CHN1: variants seen among roughly 807,000 people sequenced by gnomAD.
CHN1 encodes the protein N-chimaerin.
In CHN1, 37 loss-of-function variants were observed where a neutral mutation model predicts 59.5. That is an observed-to-expected ratio of 0.62 (90% confidence interval 0.48 to 0.82). CHN1 has a LOEUF of 0.82. Ranked by LOEUF, CHN1 falls within the 40% of genes least tolerant of loss-of-function variation. The pLI is 0.00. For missense variants in CHN1, 469 were observed against 571.0 expected, an observed-to-expected ratio of 0.82 and a Z score of 1.82; for synonymous variants, 206 against 200.4, an observed-to-expected ratio of 1.03 and a Z score of -0.24.
At chr2:174,935,934 A>T (rs1689483400) in intron 3 of CHN1, among the ~76,000 whole-genome samples, 2 of 152,174 alleles carry the variant, frequency 1.3e-5, no homozygotes, top group Non-Finnish European at 2.9e-5. Context: ...TTCTGTCTCT[A>T]AAAAATATAT....
chr2:174,915,729 C>T (rs754512494), intron 4 of CHN1, among the ~76,000 whole-genome samples: 4 of 152,210 alleles, frequency 2.6e-5, no homozygotes, highest in East Asian at 1.9e-4. Flanking sequence ...CCTGCTAAAA[C>T]CTTATCTTTG....
At chr2:174,868,117 G>A (rs1458611991) in intron 6 of CHN1, among the ~76,000 whole-genome samples, 1 of 152,012 alleles carries the variant, frequency 6.6e-6, no homozygotes, top group Non-Finnish European at 1.5e-5. Context: ...TTTATGAAGA[G>A]CTTGTATTTC....
At chr2:174,847,145 A>G (rs781458396) in intron 6 of CHN1, 188 bp from the exon 7 acceptor site, 45 of 1,546,016 alleles carry the variant, frequency 2.9e-5, no homozygotes, top group Non-Finnish European at 3.8e-5. Flanking sequence ...GGAATTCACA[A>G]GGAAAGAAAA....
chr2:174,818,775 T>C (rs115225089), intron 8 of CHN1, among the ~76,000 whole-genome samples: 2,346 of 152,306 alleles, frequency 0.015, 58 homozygotes, highest in African/African-American at 0.053. Flanking sequence ...TTCTATTACT[T>C]AGACTACCAA....
chr2:174,870,863 G>A (rs1469815268), intron 6 of CHN1, among the ~76,000 whole-genome samples: 1 of 152,066 alleles, frequency 6.6e-6, no homozygotes, highest in Admixed American at 6.5e-5. Flanking sequence ...TATTTGTTTA[G>A]TTGGCCCAGA....
intron 1 of CHN1, among the ~76,000 whole-genome samples, chr2:174,988,660 G>T (rs950673026): frequency 6.6e-6 from 1 of 152,130 alleles, no homozygotes; most frequent in Non-Finnish European, 1.5e-5. Context: ...AAAATAAAAT[G>T]AGCCTATAAA....
At chr2:174,919,568 T>C (rs1182962413) in intron 3 of CHN1, among the ~76,000 whole-genome samples, 2 of 152,222 alleles carry the variant, frequency 1.3e-5, no homozygotes, top group Non-Finnish European at 2.9e-5. Flanking sequence ...TTATTCTACT[T>C]TGTCTTTATG....
rs186030265 is a variant in CHN1 at position 174,803,760 on chromosome 2, C to T, written c.1103-1948G>A. Among the ~76,000 whole-genome samples the T allele has an allele frequency of 1.2e-4, 19 of 152,266 alleles. No individual in the cohort carries two copies. In the East Asian group the frequency reaches 3.1e-3, roughly 25 times the overall value. On this transcript the variant is annotated intron_variant, in intron 11 of 12. Transcript: ENST00000409900. ...ATGGAGACAAGGTCTCACTATGTTGCCCAGGCTGGTCTCAAACTCCTGGGC... is the reference window on the plus strand; with the variant it reads ...ATGGAGACAAGGTCTCACTATGTTGTCCAGGCTGGTCTCAAACTCCTGGGC...
intron 2 of CHN1, among the ~76,000 whole-genome samples, chr2:174,950,776 AG>A (rs1690002499): frequency 7.0e-6 from 1 of 143,574 alleles, no homozygotes; most frequent in East Asian, 2.0e-4. Flanking sequence ...AATGCAGAGA[AG>A]TTTTTTTTTT....
intron 11 of CHN1, among the ~76,000 whole-genome samples, chr2:174,805,030 T>C (rs1455934633): frequency 6.6e-6 from 1 of 152,260 alleles, no homozygotes; most frequent in African/African-American, 2.4e-5. Flanking sequence ...TCTTTAGCTA[T>C]AAGAAGCATA....
At chr2:174,801,056 A>C (rs1219495361) in intron 12 of CHN1, among the ~76,000 whole-genome samples, 1 of 152,266 alleles carries the variant, frequency 6.6e-6, no homozygotes, top group East Asian at 1.9e-4. Context: ...AAAACCTAAA[A>C]CCACTAAAAC....
chr2:174,907,677 C>A, intron 5 of CHN1, among the ~76,000 whole-genome samples: 1 of 132,056 alleles, frequency 7.6e-6, no homozygotes. Context: ...AATCAGGTAA[C>A]TCAAAAAATA....
intron 5 of CHN1, among the ~76,000 whole-genome samples, chr2:174,902,993 A>G (rs879310903): frequency 3.9e-5 from 6 of 152,214 alleles, no homozygotes; most frequent in Non-Finnish European, 7.3e-5. Flanking sequence ...ATCATTTTCT[A>G]AGATAGCAGC....
At chr2:174,945,413 T>C (rs1689796478) in intron 2 of CHN1, among the ~76,000 whole-genome samples, 1 of 152,194 alleles carries the variant, frequency 6.6e-6, no homozygotes, top group African/African-American at 2.4e-5. Flanking sequence ...AATTTTCCTC[T>C]TCCCCTAAAA....
chr2:174,963,319 T>C (rs1384749011), intron 1 of CHN1, among the ~76,000 whole-genome samples: 1 of 152,170 alleles, frequency 6.6e-6, no homozygotes, highest in African/African-American at 2.4e-5. Context: ...AGGTCTATAG[T>C]AAGTATTTGC....
At chr2:174,994,139 AT>A (rs1349505236) in intron 1 of CHN1, among the ~76,000 whole-genome samples, 1 of 152,216 alleles carries the variant, frequency 6.6e-6, no homozygotes, top group African/African-American at 2.4e-5. Flanking sequence ...ATGAAGTGGA[AT>A]TTGTTATCTA....
At chr2:174,987,224 G>A (rs947767734) in intron 1 of CHN1, among the ~76,000 whole-genome samples, 6 of 152,034 alleles carry the variant, frequency 3.9e-5, no homozygotes, top group Admixed American at 2.0e-4. Flanking sequence ...CAGACTAGGC[G>A]GGGCAGGGGG....
At position 174,808,217 on chromosome 2, in the gene CHN1, C is replaced by T. The variant is rs551048141; in HGVS notation, c.1102+688G>A. ...GAAACTGAGAATAAGAATTTAGAAA[C>T]ATATAGTAATCTGATAGAAATTTTA... On this transcript the variant is annotated intron_variant, in intron 11 of 12. Coordinates refer to ENST00000409900, the MANE Select transcript of CHN1 (RefSeq NM_001822.7). Among the ~76,000 whole-genome samples, 8 of 152,316 alleles carry T rather than the reference C, an allele frequency of 5.3e-5. No individual in the cohort carries two copies. In the South Asian group the frequency reaches 6.2e-4, roughly 12 times the overall value.
intron 3 of CHN1, among the ~76,000 whole-genome samples, chr2:174,942,896 C>T (rs960086035): frequency 1.3e-5 from 2 of 151,800 alleles, no homozygotes; most frequent in African/African-American, 2.4e-5. Context: ...CAAAAAAGTA[C>T]AAAAATTAGC....
Sources: allele counts gnomAD v4.1 joint callset (sites outside exome capture counted in the v4.1 genomes callset), GRCh38; gene constraint gnomAD v4.1.1; transcripts MANE v1.5; gene names NCBI Gene and HGNC (gene_info 2026-07-23, HGNC 2026-07-21).